Variants in CNTN5 observed in about 807,000 individuals in gnomAD.
CNTN5 encodes the protein contactin-5.
A neutral mutation model predicts 129.1 loss-of-function variants in CNTN5; 77 were observed. That is an observed-to-expected ratio of 0.60 (90% confidence interval 0.50 to 0.72). The LOEUF (loss-of-function observed/expected upper bound fraction) is 0.72. Among genes scored for constraint, CNTN5 ranks in the 30% least tolerant of loss-of-function variants. The pLI, the probability that CNTN5 is intolerant of heterozygous loss-of-function variation, is 0.00. For missense variants in CNTN5, 1,478 were observed against 1,328.8 expected (o/e 1.11, Z -1.75); for synonymous variants, 509 against 465.6 (o/e 1.09, Z -1.20).
intron 1 of CNTN5, among the ~76,000 whole-genome samples, chr11:99,108,835 C>G (rs1053492170): frequency 4.0e-4 from 61 of 151,964 alleles, no homozygotes; most frequent in Non-Finnish European, 6.5e-4. Context: ...AATTAAATAT[C>G]TGTATTACTC....
At chr11:99,693,539 C>T (rs1457299693) in intron 3 of CNTN5, among the ~76,000 whole-genome samples, 1 of 151,646 alleles carries the variant, frequency 6.6e-6, no homozygotes, top group African/African-American at 2.4e-5. Flanking sequence ...GGCACACAGG[C>T]CCAGTGGACC....
At chr11:100,140,492 G>T (rs547587080) in intron 13 of CNTN5, among the ~76,000 whole-genome samples, 9 of 152,268 alleles carry the variant, frequency 5.9e-5, no homozygotes, top group African/African-American at 1.9e-4. Context: ...TGAGATTAAA[G>T]GCTTGTTGGA....
rs370630833 is a variant in CNTN5, at chr11:99,842,536, T to C, written c.278-2316T>C. Among the ~76,000 whole-genome samples, 25 of 152,326 alleles carry C rather than the reference T, an allele frequency of 1.6e-4. No individual in the cohort carries two copies. In the East Asian group the frequency reaches 4.4e-3, roughly 27 times the overall value. On this transcript the variant is annotated intron_variant, in intron 4 of 24. Coordinates refer to ENST00000524871, the MANE Select transcript of CNTN5 (RefSeq NM_014361.4). ...GGCTAAAAAATACTACTACTAGAAT[T>C]TGAACTTACATGTGTCCAACTCTAA...
chr11:100,267,234 T>C (rs1292376100), intron 17 of CNTN5, among the ~76,000 whole-genome samples: 1 of 135,340 alleles, frequency 7.4e-6, no homozygotes, highest in Non-Finnish European at 1.6e-5. Context: ...GTGGCCTTCT[T>C]TGTTTTCACA....
chr11:99,703,593 A>C (rs2134888826), intron 3 of CNTN5, among the ~76,000 whole-genome samples: 1 of 151,032 alleles, frequency 6.6e-6, no homozygotes, highest in African/African-American at 2.4e-5. Context: ...TAAATCCGAA[A>C]GTTTAAGAAG....
chr11:99,895,683 G>T (rs1250833150), intron 6 of CNTN5, among the ~76,000 whole-genome samples: 1 of 152,076 alleles, frequency 6.6e-6, no homozygotes, highest in Non-Finnish European at 1.5e-5. Flanking sequence ...CTCCCCTGGG[G>T]ATCACACTTC....
chr11:99,428,352 G>C (rs1272425003), intron 2 of CNTN5, among the ~76,000 whole-genome samples: 1 of 151,914 alleles, frequency 6.6e-6, no homozygotes, highest in Non-Finnish European at 1.5e-5. Flanking sequence ...TTGAGCTCAG[G>C]AGTTGAAGAC....
intron 1 of CNTN5, among the ~76,000 whole-genome samples, chr11:99,299,712 G>A (rs548005301): frequency 4.3e-4 from 66 of 152,138 alleles, no homozygotes; most frequent in African/African-American, 1.5e-3. Context: ...CCATGTTGCC[G>A]CAAAAGACAT....
chr11:99,415,263 T>C (rs1942600139), intron 2 of CNTN5, among the ~76,000 whole-genome samples: 2 of 152,080 alleles, frequency 1.3e-5, no homozygotes, highest in South Asian at 4.1e-4. Flanking sequence ...AGCCATCTGA[T>C]TTTCTTCTGA....
At chr11:99,237,233 A>C (rs988444581) in intron 1 of CNTN5, among the ~76,000 whole-genome samples, 1 of 152,106 alleles carries the variant, frequency 6.6e-6, no homozygotes, top group African/African-American at 2.4e-5. Flanking sequence ...GCATGATTAA[A>C]ATTGCCTTCA....
intron 13 of CNTN5, among the ~76,000 whole-genome samples, chr11:100,174,422 C>A (rs1279337466): frequency 6.6e-6 from 1 of 152,080 alleles, no homozygotes; most frequent in Non-Finnish European, 1.5e-5. Context: ...GTTTTCATCA[C>A]AGAGTCCCTT....
intron 3 of CNTN5, among the ~76,000 whole-genome samples, chr11:99,766,715 G>A (rs1944768307): frequency 1.3e-5 from 2 of 151,926 alleles, no homozygotes; most frequent in Admixed American, 6.6e-5. Context: ...TGTGGAACTG[G>A]ATTTAATATG....
chr11:99,668,916 T>C (rs1240191309), intron 3 of CNTN5, among the ~76,000 whole-genome samples: 1 of 152,184 alleles, frequency 6.6e-6, no homozygotes, highest in Admixed American at 6.6e-5. Flanking sequence ...TCACCTCATT[T>C]TGTGTTGCAT....
intron 3 of CNTN5, among the ~76,000 whole-genome samples, chr11:99,598,646 C>A (rs577734219): frequency 5.3e-5 from 8 of 150,334 alleles, no homozygotes; most frequent in Non-Finnish European, 3.0e-5. Flanking sequence ...CATATGTGAC[C>A]TAACAGTCCA....
chr11:99,430,619 A>G (rs1943325020), intron 2 of CNTN5, among the ~76,000 whole-genome samples: 1 of 151,926 alleles, frequency 6.6e-6, no homozygotes, highest in African/African-American at 2.4e-5. Context: ...ACATATGTAT[A>G]TACACACATG....
intron 3 of CNTN5, among the ~76,000 whole-genome samples, chr11:99,781,078 A>T (rs551346335): frequency 1.5e-4 from 23 of 152,214 alleles, no homozygotes; most frequent in African/African-American, 5.3e-4. Context: ...ATTTAGTCTT[A>T]GTTCTGGCAG....
At chr11:100,303,902 C>A (rs1273762719) in intron 20 of CNTN5, among the ~76,000 whole-genome samples, 1 of 151,614 alleles carries the variant, frequency 6.6e-6, no homozygotes, top group Non-Finnish European at 1.5e-5. Flanking sequence ...TATAAAAGTT[C>A]AACTACAGCT....
intron 7 of CNTN5, among the ~76,000 whole-genome samples, chr11:99,947,368 G>A (rs1410471697): frequency 1.3e-5 from 2 of 149,798 alleles, no homozygotes; most frequent in Admixed American, 1.3e-4. Flanking sequence ...TTAAACAGGT[G>A]AGCAATAGGG....
chr11:99,041,785 T>C (rs1013855450), intron 1 of CNTN5, among the ~76,000 whole-genome samples: 1 of 152,186 alleles, frequency 6.6e-6, no homozygotes, highest in African/African-American at 2.4e-5. Flanking sequence ...AGCTCATAAT[T>C]TAGTTGTAAT....
Sources: allele counts gnomAD v4.1 joint callset (sites outside exome capture counted in the v4.1 genomes callset), GRCh38; gene constraint gnomAD v4.1.1; transcripts MANE v1.5; gene names NCBI Gene and HGNC (gene_info 2026-07-23, HGNC 2026-07-21).